Variants in RAB5A observed in about 807,000 individuals in gnomAD.
RAB5A encodes ras-related protein Rab-5A.
A neutral mutation model predicts 25.7 loss-of-function variants in RAB5A; 8 were observed. The ratio of observed to expected loss-of-function variants is 0.31; its 90% confidence interval spans 0.18 to 0.56. The LOEUF is 0.56. Ranked by LOEUF, RAB5A falls within the 20% of genes least tolerant of loss-of-function variation. RAB5A has a pLI of 0.91. For synonymous variants in RAB5A, 98 were observed against 89.8 expected (o/e 1.09, Z -0.52); for missense variants, 192 against 259.7 (o/e 0.74, Z 1.79).
chr3:19,969,045 G>T (rs5019976), intron 2 of RAB5A, among the ~76,000 whole-genome samples: 71,262 of 102,390 alleles, frequency 0.7, 22,817 homozygotes, highest in East Asian at 0.85. Context: ...TTTTTTTTTG[G>T]TTTTTTTTTT....
chr3:19,951,123 G>A, intron 2 of RAB5A, 62 bp downstream of exon 2: 2 of 1,559,842 alleles, frequency 1.3e-6, no homozygotes, highest in Non-Finnish European at 1.8e-6. Flanking sequence ...AAAATATTTT[G>A]ATGTTCCAAT....
intron 2 of RAB5A, among the ~76,000 whole-genome samples, chr3:19,956,422 C>T (rs1696503429): frequency 6.6e-6 from 1 of 152,186 alleles, no homozygotes; most frequent in African/African-American, 2.4e-5. Flanking sequence ...CCATTGCACT[C>T]CAGCCTGGGC....
intron 2 of RAB5A, among the ~76,000 whole-genome samples, chr3:19,961,308 C>T (rs1412277169): frequency 1.3e-5 from 2 of 152,110 alleles, no homozygotes; most frequent in Non-Finnish European, 2.9e-5. Context: ...AACTAGGTGA[C>T]AGCTGGGATT....
At chr3:19,953,753 C>T (rs557228135) in intron 2 of RAB5A, among the ~76,000 whole-genome samples, 1 of 152,148 alleles carries the variant, frequency 6.6e-6, no homozygotes, top group South Asian at 2.1e-4. Flanking sequence ...CTGTGCTGAC[C>T]CCATGTGAAT....
intron 5 of RAB5A, among the ~76,000 whole-genome samples, chr3:19,982,389 G>A (rs1224673948): frequency 6.6e-6 from 1 of 152,176 alleles, no homozygotes; most frequent in East Asian, 1.9e-4. Context: ...GTTTCCTCCA[G>A]TATGCTAAGT....
In RAB5A at chr3:19,961,463, T is replaced by C. The variant is rs113116498; in HGVS notation, c.163+10402T>C. 2.3e-3 allele frequency among the ~76,000 whole-genome samples: 352 copies of C among 152,320 alleles called. 1 individual carries two copies. The highest frequency in any genetic ancestry group is 7.9e-3 in the African/African-American group (329 of 41,586). On this transcript the variant is annotated intron_variant, in intron 2 of 5. Transcript: ENST00000273047. ...GTGTTCTGTTAAATAATATGTAGTA[T>C]TTGACAGGTAGGGGCCTTCTTGCTA...
At chr3:19,957,672 A>C (rs1164014519) in intron 2 of RAB5A, among the ~76,000 whole-genome samples, 1 of 151,394 alleles carries the variant, frequency 6.6e-6, no homozygotes. Context: ...CGGAGGTTGC[A>C]GTGAGCTGAG....
intron 2 of RAB5A, among the ~76,000 whole-genome samples, chr3:19,969,048 T>G (rs1261567777): frequency 4.3e-5 from 6 of 139,026 alleles, no homozygotes; most frequent in Non-Finnish European, 4.7e-5. Flanking sequence ...TTTTTTGGTT[T>G]TTTTTTTTTT....
At chr3:19,958,667 A>T (rs1696540168) in intron 2 of RAB5A, among the ~76,000 whole-genome samples, 1 of 152,182 alleles carries the variant, frequency 6.6e-6, no homozygotes, top group Non-Finnish European at 1.5e-5. Context: ...AACATGGCAA[A>T]ACACTGTCTC....
In RAB5A at chr3:19,976,041, T is replaced by C. The variant is rs766932287; in HGVS notation, c.316-6T>C. 1 of 1,607,244 alleles carries C rather than the reference T, an allele frequency of 6.2e-7. No individual in the cohort carries two copies. Among genetic ancestry groups the C allele is most frequent in the South Asian group, 1.1e-5 (1 of 89,096 alleles). The stretch of plus-strand genomic sequence containing the variant: ...TGTGCTCAATGGCTGTTTCTTTGTT[T>C]AACAGGAGTCCTTTGCAAGAGCAAA... On this transcript the variant is annotated splice_polypyrimidine_tract_variant and splice_region_variant and intron_variant, in intron 3 of 5. Coordinates refer to ENST00000273047, the MANE Select transcript of RAB5A (RefSeq NM_004162.5).
chr3:19,982,071 ATC>A (rs1197826847), intron 5 of RAB5A, among the ~76,000 whole-genome samples: 1 of 151,458 alleles, frequency 6.6e-6, no homozygotes, highest in African/African-American at 2.4e-5. Context: ...GCAAGACCCT[ATC>A]TCTACCAAAA....
intron 4 of RAB5A, among the ~76,000 whole-genome samples, chr3:19,977,182 G>C (rs1055602777): frequency 2.7e-5 from 4 of 150,876 alleles, no homozygotes; most frequent in Non-Finnish European, 5.9e-5. Context: ...ACGCCATTCT[G>C]CTGCCTCAGC....
At chr3:19,962,437 G>A (rs186832103) in intron 2 of RAB5A, among the ~76,000 whole-genome samples, 7 of 131,030 alleles carry the variant, frequency 5.3e-5, no homozygotes, top group Admixed American at 1.5e-4. Flanking sequence ...GCATGGTGGC[G>A]CGTGCCTGTA....
chr3:19,968,470 C>A (rs970252724), intron 2 of RAB5A, among the ~76,000 whole-genome samples: 13 of 152,136 alleles, frequency 8.5e-5, no homozygotes, highest in African/African-American at 2.9e-4. Context: ...TACTTTACTT[C>A]TGATTCTTTC....
Position 19,984,237 on chromosome 3 carries a change from C to G in RAB5A, c.*414C>G, listed in dbSNP as rs1173905357. 9 of 420,326 alleles carry G rather than the reference C, an allele frequency of 2.1e-5. No individual in the cohort carries two copies. The highest frequency in any genetic ancestry group is 3.7e-5 in the Non-Finnish European group (8 of 217,692). 26.0% of individuals were successfully genotyped at this position (420,326 alleles called of 1,614,324 possible). On this transcript the variant is annotated 3_prime_UTR_variant, in exon 6 of 6. Coordinates refer to ENST00000273047, the MANE Select transcript of RAB5A (RefSeq NM_004162.5). Reference sequence around the variant, plus strand: ...AACATTCTTTGTTTAGAAGGAGATTCTAAAGTTATTTATGATGCTTAGCCA... The same window carrying G: ...AACATTCTTTGTTTAGAAGGAGATTGTAAAGTTATTTATGATGCTTAGCCA...
intron 5 of RAB5A, among the ~76,000 whole-genome samples, chr3:19,983,361 A>AG: frequency 6.6e-6 from 1 of 151,752 alleles, no homozygotes; most frequent in Non-Finnish European, 1.5e-5. Context: ...AAAAAAAAAA[A>AG]AAGAAGTAAT....
chr3:19,973,982 G>T (rs7614695), intron 2 of RAB5A, among the ~76,000 whole-genome samples: 77,670 of 151,650 alleles, frequency 0.51, 21,094 homozygotes, highest in Non-Finnish European at 0.62. Context: ...TTTAGAAAAT[G>T]GTAATTCAAG....
intron 5 of RAB5A, among the ~76,000 whole-genome samples, chr3:19,980,345 T>G (rs1696900155): frequency 6.6e-6 from 1 of 152,206 alleles, no homozygotes; most frequent in African/African-American, 2.4e-5. Flanking sequence ...ATATTTTAGT[T>G]TTTTGTTTTT....
chr3:19,969,579 GATGTT>G (rs1398912841), intron 2 of RAB5A, among the ~76,000 whole-genome samples: 3 of 152,120 alleles, frequency 2.0e-5, no homozygotes, highest in African/African-American at 7.2e-5. Context: ...CTTTGTTATG[GATGTT>G]ATGACACAAG....
Sources: allele counts gnomAD v4.1 joint callset (sites outside exome capture counted in the v4.1 genomes callset), GRCh38; gene constraint gnomAD v4.1.1; transcripts MANE v1.5; gene names NCBI Gene and HGNC (gene_info 2026-07-23, HGNC 2026-07-21).